The following SMG1 variants were observed in gnomAD, a reference collection of about 807,000 sequenced individuals.
SMG1 encodes serine/threonine-protein kinase SMG1.
A neutral mutation model predicts 419.9 loss-of-function variants in SMG1; 22 were observed. The ratio of observed to expected loss-of-function variants is 0.05; its 90% confidence interval spans 0.04 to 0.07. The LOEUF is 0.07. Among genes scored for constraint, SMG1 ranks in the 10% least tolerant of loss-of-function variants. The pLI is 1.00. For missense variants in SMG1, 3,185 were observed against 4,342.0 expected (o/e 0.73, Z 7.49); for synonymous variants, 1,538 against 1,553.5 (o/e 0.99, Z 0.23).
chr16:18,921,131 C>T (rs2142026702), intron 1 of SMG1, among the ~76,000 whole-genome samples: 1 of 137,020 alleles, frequency 7.3e-6, no homozygotes, highest in East Asian at 2.1e-4. Flanking sequence ...AAGTAAAACT[C>T]TGTCTCAAAA....
In SMG1 at chr16:18,830,335, G is replaced by A; in HGVS notation, c.8827C>T (p.Pro2943Ser). 1.9e-6 allele frequency: 3 copies of A among 1,613,936 alleles called. No homozygotes were observed. The highest frequency in any genetic ancestry group is 1.1e-5 in the South Asian group (1 of 91,082). The change falls in exon 52 of 63, where the codon CCG becomes TCG. Residue 2943 changes from proline (P) to serine (S), a missense_variant. By Grantham distance (74) the Pro-to-Ser change is moderately conservative (BLOSUM62 -1). Transcript: ENST00000446231. ...LHAQYGELIQ[P>S]RNGSVDETPK... ...GTTTCATCAACTGAACCATTTCTCGGTTGGATTAATTCACCGTACTGAGCA... is the reference window on the plus strand; with the variant it reads ...GTTTCATCAACTGAACCATTTCTCGATTGGATTAATTCACCGTACTGAGCA...
intron 60 of SMG1, among the ~76,000 whole-genome samples, chr16:18,814,368 G>A (rs919905007): frequency 6.6e-6 from 1 of 150,630 alleles, no homozygotes; most frequent in Non-Finnish European, 1.5e-5. Context: ...GCATGGTGGC[G>A]AGCACCTGTA....
chr16:18,866,583 A>G (rs372701594), intron 23 of SMG1, 38 bp downstream of exon 23: 2 of 1,561,380 alleles, frequency 1.3e-6, no homozygotes, highest in Non-Finnish European at 1.7e-6. Context: ...CTTAAACATA[A>G]AGTAATTCTA....
At position 18,836,364 on chromosome 16, in the gene SMG1, G is replaced by A; in HGVS notation, c.7773C>T (p.Asp2591=). ...SLLQEISTQM[D]LGPPSYVPAT... is the part of the protein sequence containing the mutation. ...CTAAAATAAGTCAACCCATACCAAG[G>A]TCCATTTGTGTGCTTATCTCTTGAA... The change falls in exon 47 of 63, where the codon GAC becomes GAT. Residue 2591 remains aspartate, a synonymous_variant. Transcript: ENST00000446231. 6.2e-7 allele frequency: 1 copy of A among 1,613,462 alleles called. No individual in the cohort carries two copies. The highest frequency in any genetic ancestry group is 8.5e-7 in the Non-Finnish European group (1 of 1,179,614).
At position 18,860,741 on chromosome 16, in the gene SMG1, T is replaced by G. The variant is rs775657904; in HGVS notation, c.3731A>C (p.Glu1244Ala). 2 of 1,547,162 alleles carry G rather than the reference T, an allele frequency of 1.3e-6. No individual in the cohort carries two copies. The highest frequency in any genetic ancestry group is 2.3e-5 in the South Asian group (2 of 87,638). The change falls in exon 26 of 63, where the codon GAA (glutamate) becomes GCA (alanine). Residue 1244 changes from glutamate to alanine, a missense_variant. Physicochemically the swap from Glu to Ala is moderately radical, Grantham distance 107 (BLOSUM62 -1). Coordinates refer to ENST00000446231, the MANE Select transcript of SMG1 (RefSeq NM_015092.5). Reference sequence around the variant, plus strand: ...TAACAATTCTAACTGCTCGGTACATTCAACAAATTTTCCAGACTCAAAGCT... The same window carrying G: ...TAACAATTCTAACTGCTCGGTACATGCAACAAATTTTCCAGACTCAAAGCT... ...LSSFESGKFV[E>A]CTEQLELLPG...
In SMG1 at chr16:18,854,732, T is replaced by C. The variant is rs1390183274; in HGVS notation, c.4407A>G (p.Leu1469=). ...AQDLVQHFKK[L]STQGQVDEKW... is the part of the protein sequence containing the mutation. ...TTTCATCCACTTGACCTTGGGTTGA[T>C]AGTTTTTTAAAATGTTGGACTAAAT... Residue 1469 remains leucine, a synonymous_variant, in exon 30 of 63, where the codon CTA becomes CTG. Coordinates refer to ENST00000446231, the MANE Select transcript of SMG1 (RefSeq NM_015092.5). 3 of 1,614,024 alleles carry C rather than the reference T, an allele frequency of 1.9e-6. No individual in the cohort carries two copies. Among genetic ancestry groups the C allele is most frequent in the East Asian group, 2.2e-5 (1 of 44,880 alleles).
intron 51 of SMG1, among the ~76,000 whole-genome samples, chr16:18,832,739 C>A (rs2033286736): frequency 6.6e-6 from 1 of 151,894 alleles, no homozygotes; most frequent in Non-Finnish European, 1.5e-5. Context: ...TACCTGCCTG[C>A]ACTTTTTTTT....
intron 1 of SMG1, among the ~76,000 whole-genome samples, chr16:18,921,215 G>A (rs1328144146): frequency 6.6e-6 from 1 of 151,772 alleles, no homozygotes; most frequent in Non-Finnish European, 1.5e-5. Context: ...TAGTGGTGTG[G>A]TGGTATGCAC....
chr16:18,852,181 C>G lies in SMG1; in HGVS notation c.4938G>C (p.Leu1646=). ...TCTGAACTTCAGATTTTTCTCTAGG[C>G]AGCAGACGAACACCTTCTCCCTGAC... ...NASQGEGVRL[L]PREKSEVQNL... The change falls in exon 33 of 63, where the codon CTG becomes CTC. Residue 1646 remains leucine (L), a synonymous_variant. Transcript: ENST00000446231. 1.2e-6 allele frequency: 2 copies of G among 1,613,710 alleles called. No homozygotes were observed. Among genetic ancestry groups the G allele is most frequent in the Non-Finnish European group, 8.5e-7 (1 of 1,179,792 alleles).
chr16:18,911,317 C>T (rs7193064), intron 1 of SMG1: 1 of 149,056 alleles, frequency 6.7e-6, no homozygotes, highest in African/African-American at 2.5e-5. Flanking sequence ...GCCTGGCCAA[C>T]AAGGTGAAAC....
At chr16:18,867,966 C>T (rs1290732980) in intron 22 of SMG1, among the ~76,000 whole-genome samples, 1 of 152,084 alleles carries the variant, frequency 6.6e-6, no homozygotes, top group Admixed American at 6.6e-5. Flanking sequence ...CCTCTGCCTC[C>T]CAAAGTGCTG....
At chr16:18,873,291 T>A (rs1468940159) in intron 13 of SMG1, among the ~76,000 whole-genome samples, 3 of 152,088 alleles carry the variant, frequency 2.0e-5, no homozygotes, top group African/African-American at 7.2e-5. Flanking sequence ...CGATCTTGGC[T>A]CACTGCAACC....
At chr16:18,835,502 G>A (rs965480792) in intron 48 of SMG1, among the ~76,000 whole-genome samples, 8 of 152,254 alleles carry the variant, frequency 5.3e-5, no homozygotes, top group South Asian at 2.1e-4. Context: ...TTGTTCAGGC[G>A]TGGTGACACA....
intron 1 of SMG1, 91 bp downstream of exon 1, chr16:18,925,859 G>A (rs2038379790): frequency 1.1e-5 from 11 of 992,588 alleles, no homozygotes; most frequent in Non-Finnish European, 1.4e-5. Context: ...GGAGGGCCTA[G>A]GCCGCGCCTC....
At chr16:18,845,751 T>C in intron 38 of SMG1, 100 bp from the exon 39 acceptor site, 1 of 813,210 alleles carries the variant, frequency 1.2e-6, no homozygotes. Context: ...AAGTAAACAG[T>C]ACCAAGGAAT....
chr16:18,864,757 G>A (rs1368661974), intron 23 of SMG1, among the ~76,000 whole-genome samples: 5 of 151,924 alleles, frequency 3.3e-5, no homozygotes, highest in East Asian at 1.9e-4. Context: ...GATTTCAGGC[G>A]TGAACCACCG....
chr16:18,860,972 T>C (rs964573082), intron 25 of SMG1, 196 bp from the exon 26 acceptor site: 17 of 459,922 alleles, frequency 3.7e-5, no homozygotes, highest in African/African-American at 2.5e-4. Flanking sequence ...AGTACTCAAA[T>C]TGGAGTGGCA....
intron 11 of SMG1, chr16:18,879,259 G>A: frequency 2.0e-6 from 1 of 501,798 alleles, no homozygotes; most frequent in Non-Finnish European, 3.6e-6. Flanking sequence ...AGGACTACAG[G>A]TGCACGCCAC....
intron 3 of SMG1, among the ~76,000 whole-genome samples, chr16:18,892,948 AAAAG>A (rs568497339): frequency 1.2e-3 from 187 of 152,340 alleles, no homozygotes; most frequent in African/African-American, 4.3e-3. Context: ...TGGGAGAGAA[AAAAG>A]AAAGGCCTTA....
Sources: gnomAD v4.1 joint callset for allele counts (sites outside exome capture counted in the v4.1 genomes callset) on GRCh38, gnomAD v4.1.1 for gene constraint, MANE v1.5 for transcripts, NCBI Gene and HGNC (gene_info 2026-07-23, HGNC 2026-07-21) for gene names.